VTI1A: variants seen among roughly 807,000 people sequenced by gnomAD.
VTI1A encodes the protein vesicle transport through interaction with t-SNAREs 1A.
Under a neutral mutation model 34.9 loss-of-function variants are expected in VTI1A, and 22 were observed. The observed-to-expected ratio is 0.63, with a 90% CI of 0.45 to 0.90. VTI1A has a LOEUF of 0.90. Among genes scored for constraint, VTI1A ranks in the 40% least tolerant of loss-of-function variants. VTI1A has a pLI of 0.00. For missense variants in VTI1A, 268 were observed against 275.6 expected, an observed-to-expected ratio of 0.97 and a Z score of 0.20; for synonymous variants, 87 against 97.3, an observed-to-expected ratio of 0.89 and a Z score of 0.62.
chr10:112,572,426 A>G (rs1179834169), intron 5 of VTI1A, among the ~76,000 whole-genome samples: 1 of 152,228 alleles, frequency 6.6e-6, no homozygotes, highest in Non-Finnish European at 1.5e-5. Context: ...AGCCCTCACC[A>G]GAAGAGTTAA....
At chr10:112,830,834 TATATATATATA>T in the VTI1A span, among the ~76,000 whole-genome samples, 1 of 47,172 alleles carries the variant, frequency 2.1e-5, no homozygotes, top group Admixed American at 2.7e-4. Flanking sequence ...TATATATATA[TATATATATATA>T]TATATTTTTT....
rs6144094 is a variant in VTI1A, at chr10:112,618,524, T to TAGAGAGAGAG, written c.428-49679_428-49670dup. ...ATATATATATATATATATATATATA[T>TAGAGAGAGAG]AGAGAGAGAGAGAGAGAGAGAGAGT... On this transcript the variant is annotated intron_variant, in intron 5 of 7. Transcript: ENST00000393077. 6.2e-3 allele frequency among the ~76,000 whole-genome samples: 214 copies of TAGAGAGAGAG among 34,558 alleles called. 14 individuals are homozygous for TAGAGAGAGAG. Among genetic ancestry groups the TAGAGAGAGAG allele is most frequent in the Middle Eastern group, 0.023 (1 of 44 alleles). The allele number at this position is 34,558 out of a possible 152,430, so 22.7% of individuals were successfully genotyped here.
rs1178190608 is a variant in VTI1A at position 112,688,525 on chromosome 10, T to TA, written c.560+19527_560+19528insA. ...ACTACTAATGTCAATTTTTTTCTTTTTTTTTTTTTTTTTGAGATGGAGTTT... is the reference window on the plus strand; with the variant it reads ...ACTACTAATGTCAATTTTTTTCTTTTATTTTTTTTTTTTTGAGATGGAGTTT... On this transcript the variant is annotated intron_variant, in intron 7 of 7. Coordinates refer to ENST00000393077, the MANE Select transcript of VTI1A (RefSeq NM_145206.4). Among the ~76,000 whole-genome samples the TA allele has an allele frequency of 9.1e-4, 136 of 149,140 alleles. 1 individual carries two copies. The highest frequency in any genetic ancestry group is 3.2e-3 in the African/African-American group (132 of 40,678).
At chr10:112,681,986 C>T (rs969608049) in intron 7 of VTI1A, among the ~76,000 whole-genome samples, 1 of 152,092 alleles carries the variant, frequency 6.6e-6, no homozygotes, top group Admixed American at 6.5e-5. Flanking sequence ...AAAACTTGCT[C>T]AGCCAATAAA....
At chr10:112,549,914 A>G (rs913084759) in intron 5 of VTI1A, among the ~76,000 whole-genome samples, 1 of 152,166 alleles carries the variant, frequency 6.6e-6, no homozygotes. Context: ...CAAAGCTCTT[A>G]AAGAGTATTT....
At chr10:112,685,084 T>C (rs575320491) in intron 7 of VTI1A, among the ~76,000 whole-genome samples, 2 of 152,250 alleles carry the variant, frequency 1.3e-5, no homozygotes, top group Non-Finnish European at 2.9e-5. Flanking sequence ...TTTTGGTTTT[T>C]TAAATCTTTG....
chr10:112,620,444 A>G (rs994407830), intron 5 of VTI1A, among the ~76,000 whole-genome samples: 4 of 152,158 alleles, frequency 2.6e-5, no homozygotes, highest in Non-Finnish European at 5.9e-5. Flanking sequence ...GAAGAAACAG[A>G]TTCAAGTGGG....
Position 112,816,533 on chromosome 10 carries a change from A to T in VTI1A, c.*1150A>T, listed in dbSNP as rs1369758089. The T allele has an allele frequency of 8.9e-6, 2 of 223,792 alleles. No individual in the cohort carries two copies. Among genetic ancestry groups the T allele is most frequent in the African/African-American group, 4.5e-5 (2 of 44,758 alleles). 13.9% of individuals were successfully genotyped at this position (223,792 alleles called of 1,614,324 possible). On this transcript the variant is annotated 3_prime_UTR_variant, in exon 8 of 8. Transcript: ENST00000393077. The stretch of plus-strand genomic sequence containing the variant: ...ATTCAAACTTCTAATATGCTTTGTG[A>T]TTTTTTTCTTTCATTTCTTTCTGTC...
At chr10:112,796,368 T>G (rs1852673050) in intron 7 of VTI1A, among the ~76,000 whole-genome samples, 1 of 148,070 alleles carries the variant, frequency 6.8e-6, no homozygotes, top group Non-Finnish European at 1.5e-5. Context: ...ATTGAGCCAC[T>G]GCACTCTAGC....
At chr10:112,850,728 C>G in the VTI1A span, among the ~76,000 whole-genome samples, 1 of 152,188 alleles carries the variant, frequency 6.6e-6, no homozygotes, top group Non-Finnish European at 1.5e-5. Flanking sequence ...ATAATTTGGG[C>G]AGCCAAGTGC....
intron 5 of VTI1A, among the ~76,000 whole-genome samples, chr10:112,584,961 G>A (rs1362761044): frequency 6.6e-6 from 1 of 152,144 alleles, no homozygotes; most frequent in Non-Finnish European, 1.5e-5. Flanking sequence ...TTTGAAAACA[G>A]AATTGTGAAA....
intron 7 of VTI1A, among the ~76,000 whole-genome samples, chr10:112,755,244 A>C (rs1851241767): frequency 6.7e-6 from 1 of 149,924 alleles, no homozygotes; most frequent in Non-Finnish European, 1.5e-5. Flanking sequence ...TGACAGAGCG[A>C]GACTGTCTCA....
At chr10:112,795,661 T>A (rs1338278889) in intron 7 of VTI1A, among the ~76,000 whole-genome samples, 1 of 152,084 alleles carries the variant, frequency 6.6e-6, no homozygotes, top group Non-Finnish European at 1.5e-5. Flanking sequence ...AGTCTCTAAC[T>A]CCTGACCTCA....
chr10:112,742,396 G>C (rs548892103), intron 7 of VTI1A, among the ~76,000 whole-genome samples: 3 of 152,320 alleles, frequency 2.0e-5, no homozygotes, highest in African/African-American at 7.2e-5. Context: ...TCCTAGCCAG[G>C]TCAGATTATC....
chr10:112,530,614 A>G (rs375008541), intron 4 of VTI1A, among the ~76,000 whole-genome samples: 16 of 152,320 alleles, frequency 1.1e-4, no homozygotes, highest in African/African-American at 3.6e-4. Context: ...CAAAATATAA[A>G]GAGTAGACTA....
At chr10:112,518,299 A>T (rs976388660) in intron 3 of VTI1A, among the ~76,000 whole-genome samples, 1 of 152,050 alleles carries the variant, frequency 6.6e-6, no homozygotes, top group Admixed American at 6.6e-5. Context: ...GGATATAAAT[A>T]ACTCCCACAA....
At chr10:112,480,868 G>T (rs1375768093) in intron 3 of VTI1A, among the ~76,000 whole-genome samples, 1 of 152,142 alleles carries the variant, frequency 6.6e-6, no homozygotes, top group Non-Finnish European at 1.5e-5. Flanking sequence ...AATTGGCATG[G>T]GGTGCAACTT....
intron 3 of VTI1A, among the ~76,000 whole-genome samples, chr10:112,498,723 G>A (rs900027990): frequency 6.6e-6 from 1 of 152,102 alleles, no homozygotes; most frequent in Non-Finnish European, 1.5e-5. Context: ...TTGAGTGGAC[G>A]CAGTTAGAGT....
intron 5 of VTI1A, among the ~76,000 whole-genome samples, chr10:112,593,350 T>C (rs1844470448): frequency 6.6e-6 from 1 of 152,142 alleles, no homozygotes; most frequent in Admixed American, 6.5e-5. Context: ...ATTTTCTGAG[T>C]TCGTGGTGAA....
Sources: allele counts gnomAD v4.1 joint callset (sites outside exome capture counted in the v4.1 genomes callset), GRCh38; gene constraint gnomAD v4.1.1; transcripts MANE v1.5; gene names NCBI Gene and HGNC (gene_info 2026-07-23, HGNC 2026-07-21).